Variants in SKIL observed in about 807,000 individuals in gnomAD.
SKIL encodes the protein ski-like protein.
In SKIL, 20 loss-of-function variants were observed where a neutral mutation model predicts 69.6. The ratio of observed to expected loss-of-function variants is 0.29; its 90% CI spans 0.20 to 0.42. SKIL has a LOEUF of 0.42. Among genes scored for constraint, SKIL ranks in the 10% least tolerant of loss-of-function variants. SKIL has a pLI of 1.00. For synonymous variants in SKIL, 310 were observed against 279.9 expected (o/e 1.11, Z -1.08); for missense variants, 745 against 783.1 (o/e 0.95, Z 0.58).
chr3:170,387,355 C>G (rs1309864337), intron 4 of SKIL, among the ~76,000 whole-genome samples: 1 of 152,096 alleles, frequency 6.6e-6, no homozygotes, highest in Non-Finnish European at 1.5e-5. Flanking sequence ...TTCTCGAAGC[C>G]TCTGGCAACC....
chr3:170,376,781 G>A (rs1206765334), intron 2 of SKIL, among the ~76,000 whole-genome samples: 2 of 151,892 alleles, frequency 1.3e-5, no homozygotes, highest in African/African-American at 4.8e-5. Flanking sequence ...TTGCCTTGTT[G>A]CCCAGGCCAG....
At chr3:170,367,268 C>T (rs1736577427) in intron 2 of SKIL, among the ~76,000 whole-genome samples, 3 of 151,946 alleles carry the variant, frequency 2.0e-5, no homozygotes, top group Admixed American at 2.0e-4. Flanking sequence ...ATCACCACGC[C>T]TGGCTAATTT....
chr3:170,361,579 G>A, intron 2 of SKIL, 150 bp downstream of exon 2: 2 of 671,470 alleles, frequency 3.0e-6, no homozygotes, highest in Non-Finnish European at 5.0e-6. Context: ...GCAGTTTTTA[G>A]GCCATAAAGT....
intron 2 of SKIL, among the ~76,000 whole-genome samples, chr3:170,373,732 T>TA (rs1560212637): frequency 2.0e-5 from 3 of 149,886 alleles, no homozygotes; most frequent in Admixed American, 1.4e-4. Flanking sequence ...CAAAAAAAAT[T>TA]AAAAAAAAAT....
intron 2 of SKIL, among the ~76,000 whole-genome samples, chr3:170,362,887 G>A (rs988085373): frequency 2.7e-5 from 4 of 148,708 alleles, no homozygotes; most frequent in African/African-American, 1.0e-4. Context: ...TATCTAGTAG[G>A]CTAAACTATT....
rs988134287 is a variant in SKIL at position 170,373,966 on chromosome 3, A to G, written c.1099-7278A>G. ...GTATGAATAATGCTGAGCAGGTGGA[A>G]TAGCTTTTGTATTTAGAAAGGAGTG... On this transcript the variant is annotated intron_variant, in intron 2 of 6. Transcript: ENST00000259119. Among the ~76,000 whole-genome samples, 5 of 152,214 alleles carry G rather than the reference A, an allele frequency of 3.3e-5. No individual in the cohort carries two copies. The East Asian group carries it at 9.6e-4, about 29-fold the overall frequency.
chr3:170,379,870 C>T (rs1464381069), intron 2 of SKIL, among the ~76,000 whole-genome samples: 4 of 152,176 alleles, frequency 2.6e-5, no homozygotes, highest in African/African-American at 9.7e-5. Context: ...TCTCGAACTC[C>T]TGACCTCAGG....
At position 170,386,576 on chromosome 3, in the gene SKIL, T is replaced by C. The variant is rs370858665; in HGVS notation, c.1429+1811T>C. ...CTTCAAATTGCTGGGCTCATAGTCCTTGCACCTCAGCCTCCCTAGTAGCTA... is the reference window on the plus strand; with the variant it reads ...CTTCAAATTGCTGGGCTCATAGTCCCTGCACCTCAGCCTCCCTAGTAGCTA... On this transcript the variant is annotated intron_variant, in intron 4 of 6. Transcript: ENST00000259119. 5.9e-5 allele frequency among the ~76,000 whole-genome samples: 9 copies of C among 152,296 alleles called. 1 individual carries two copies. The South Asian group carries it at 1.9e-3, about 32-fold the overall frequency.
At chr3:170,384,042 A>C (rs920600391) in intron 3 of SKIL, among the ~76,000 whole-genome samples, 2 of 151,900 alleles carry the variant, frequency 1.3e-5, no homozygotes. Flanking sequence ...CTTGCCAAAA[A>C]AAAAAAAAAA....
intron 3 of SKIL, among the ~76,000 whole-genome samples, chr3:170,382,400 G>C (rs1737396930): frequency 6.9e-6 from 1 of 145,914 alleles, no homozygotes; most frequent in African/African-American, 2.5e-5. Context: ...CAAGAATTTG[G>C]TGTGCAACTT....
intron 2 of SKIL, among the ~76,000 whole-genome samples, chr3:170,364,101 C>G: frequency 6.6e-6 from 1 of 152,150 alleles, no homozygotes; most frequent in Non-Finnish European, 1.5e-5. Flanking sequence ...CAGGCGCCCA[C>G]CGCCATGCCC....
intron 4 of SKIL, among the ~76,000 whole-genome samples, chr3:170,387,617 G>A (rs1737702298): frequency 6.6e-6 from 1 of 151,742 alleles, no homozygotes; most frequent in Non-Finnish European, 1.5e-5. Context: ...TCTACTTTTT[G>A]GCAATTAAGA....
rs1004912705 is a variant in SKIL at position 170,384,771 on chromosome 3, T to C, written c.1429+6T>C. The C allele has an allele frequency of 6.6e-6, 9 of 1,355,184 alleles. No homozygotes were observed. The highest frequency in any genetic ancestry group is 2.9e-5 in the African/African-American group (2 of 69,092). The allele number at this position is 1,355,184 out of a possible 1,614,324, so 83.9% of individuals were successfully genotyped here. ...AGAATTATGTAGCCGTTTAGGTAAG[T>C]ATTCAGAGATTATCTTTCTAAAATT... On this transcript the variant is annotated splice_donor_region_variant and intron_variant, in intron 4 of 6. Coordinates refer to ENST00000259119, the MANE Select transcript of SKIL (RefSeq NM_005414.5).
rs59222162 is a variant in SKIL, at chr3:170,365,752, C to CTTTTTTTTTTTT, written c.1098+4333_1098+4344dup. Among the ~76,000 whole-genome samples, 715 of 106,368 alleles carry CTTTTTTTTTTTT rather than the reference C, an allele frequency of 6.7e-3. 36 individuals carry two copies. Among genetic ancestry groups the CTTTTTTTTTTTT allele is most frequent in the African/African-American group, 0.011 (276 of 25,182 alleles). 69.8% of individuals were successfully genotyped at this position (106,368 alleles called of 152,430 possible). On this transcript the variant is annotated intron_variant, in intron 2 of 6. Coordinates refer to ENST00000259119, the MANE Select transcript of SKIL (RefSeq NM_005414.5). ...GCTCATTTTAAAAAGTCAAACTAGG[C>CTTTTTTTTTTTT]TTTTTTTTTTTTTTTTTTTTTGAGA...
intron 2 of SKIL, among the ~76,000 whole-genome samples, chr3:170,367,766 G>A (rs1736615064): frequency 6.6e-6 from 1 of 152,214 alleles, no homozygotes; most frequent in African/African-American, 2.4e-5. Context: ...ACCGTGCCTG[G>A]CTAAAATTTA....
rs1475027564 is a variant in SKIL, at chr3:170,393,011, C to G, written c.*594C>G. The G allele has an allele frequency of 6.6e-6, 1 of 152,148 alleles. No individual in the cohort carries two copies. The highest frequency in any genetic ancestry group is 1.9e-4 in the East Asian group (1 of 5,200). 9.4% of individuals were successfully genotyped at this position (152,148 alleles called of 1,614,324 possible). A position where few individuals can be genotyped will look rare whatever the true frequency, so the allele number is the denominator to read the frequency against. Reference sequence around the variant, plus strand: ...AATTTTACTGAGGTTATAGCATACCCCATGAGCACAGTGGGGAAGAAGAAT... The same window carrying G: ...AATTTTACTGAGGTTATAGCATACCGCATGAGCACAGTGGGGAAGAAGAAT... On this transcript the variant is annotated 3_prime_UTR_variant, in exon 7 of 7. Transcript: ENST00000259119.
chr3:170,359,038 T>C (rs949788591), intron 1 of SKIL, among the ~76,000 whole-genome samples: 3 of 152,242 alleles, frequency 2.0e-5, no homozygotes, highest in Non-Finnish European at 4.4e-5. Context: ...TGTTTTGTTT[T>C]TAAATAGGAG....
intron 2 of SKIL, among the ~76,000 whole-genome samples, chr3:170,367,732 G>C (rs1030133849): frequency 6.6e-6 from 1 of 152,034 alleles, no homozygotes; most frequent in Non-Finnish European, 1.5e-5. Context: ...GTCTCCCAAA[G>C]TGCTGGGATT....
In SKIL at chr3:170,395,060, G is replaced by C. The variant is rs1364395533; in HGVS notation, c.*2643G>C. 1 of 152,120 alleles carries C rather than the reference G, an allele frequency of 6.6e-6. No individual in the cohort carries two copies. Among genetic ancestry groups the C allele is most frequent in the African/African-American group, 2.4e-5 (1 of 41,440 alleles). The allele number at this position is 152,120 out of a possible 1,614,324, so 9.4% of individuals were successfully genotyped here. A position where few individuals can be genotyped will look rare whatever the true frequency, so the allele number is the denominator to read the frequency against. On this transcript the variant is annotated 3_prime_UTR_variant, in exon 7 of 7. Coordinates refer to ENST00000259119, the MANE Select transcript of SKIL (RefSeq NM_005414.5). ...GTTTATTCTAAAAAGCTGCATTAAA[G>C]GGACAACCTATAAAAAGTTTTGCTA...
Sources: allele counts gnomAD v4.1 joint callset (sites outside exome capture counted in the v4.1 genomes callset), GRCh38; gene constraint gnomAD v4.1.1; transcripts MANE v1.5; gene names NCBI Gene and HGNC (gene_info 2026-07-23, HGNC 2026-07-21).